The following KCNN2 variants were observed in gnomAD, a reference collection of about 807,000 sequenced individuals.
The protein encoded by KCNN2 is small conductance calcium-activated potassium channel protein 2.
In KCNN2, 24 loss-of-function variants were observed where a neutral mutation model predicts 55.5. The ratio of observed to expected loss-of-function variants is 0.43; its 90% CI spans 0.31 to 0.61. The LOEUF (loss-of-function observed/expected upper bound fraction) is 0.61. Among genes scored for constraint, KCNN2 ranks in the 20% least tolerant of loss-of-function variants. The probability of loss-of-function intolerance (pLI) is 0.08; values close to 1 mark genes in which losing one functional copy is unlikely to be tolerated. For synonymous variants in KCNN2, 431 were observed against 336.1 expected (o/e 1.28, Z -3.09); for missense variants, 754 against 853.6 (o/e 0.88, Z 1.45).
At chr5:114,061,847 T>C (rs1292842764) in intron 1 of KCNN2, among the ~76,000 whole-genome samples, 1 of 152,188 alleles carries the variant, frequency 6.6e-6, no homozygotes, top group Non-Finnish European at 1.5e-5. Context: ...AACTGGGAAG[T>C]GGAGGATCTG....
chr5:114,428,092 G>A (rs1759682303), intron 3 of KCNN2, among the ~76,000 whole-genome samples: 1 of 152,054 alleles, frequency 6.6e-6, no homozygotes, highest in Admixed American at 6.5e-5. Flanking sequence ...ATTTAAGAGC[G>A]GGTCAAGGAT....
At chr5:114,337,112 C>T (rs1009757964) in intron 2 of KCNN2, among the ~76,000 whole-genome samples, 2 of 151,904 alleles carry the variant, frequency 1.3e-5, no homozygotes, top group African/African-American at 2.4e-5. Context: ...TTGTTGCAGT[C>T]ATCAAAGAAA....
chr5:114,461,503 A>C (rs764927416), intron 3 of KCNN2, among the ~76,000 whole-genome samples: 2 of 152,128 alleles, frequency 1.3e-5, no homozygotes, highest in Non-Finnish European at 2.9e-5. Flanking sequence ...CACTCACTCC[A>C]GCCCGGAGCC....
At position 114,272,351 on chromosome 5, in the gene KCNN2, T is replaced by C. The variant is rs1244453683; in HGVS notation, c.-185+50786T>C. On this transcript the variant is annotated intron_variant, in intron 2 of 10. Transcript: ENST00000512097. ...GTACATATACACACATATATGTATG[T>C]ACATACCATATACACACACATATGT... 6.1e-5 allele frequency among the ~76,000 whole-genome samples: 3 copies of C among 49,148 alleles called. No individual in the cohort carries two copies. In the East Asian group the frequency reaches 2.5e-3, roughly 41 times the overall value. The allele number at this position is 49,148 out of a possible 152,430, so 32.2% of individuals were successfully genotyped here. A position where few individuals can be genotyped will look rare whatever the true frequency, so the allele number is the denominator to read the frequency against.
At chr5:114,414,898 C>T (rs1759258864) in intron 3 of KCNN2, among the ~76,000 whole-genome samples, 2 of 152,094 alleles carry the variant, frequency 1.3e-5, no homozygotes, top group African/African-American at 4.8e-5. Flanking sequence ...GGCTATGCAA[C>T]CATCACTACA....
intron 1 of KCNN2, among the ~76,000 whole-genome samples, chr5:114,152,461 T>C (rs1417902885): frequency 6.6e-6 from 1 of 152,234 alleles, no homozygotes; most frequent in Non-Finnish European, 1.5e-5. Context: ...TATAATTTTT[T>C]ATTAGACTAG....
chr5:114,264,577 A>G (rs928001304), intron 2 of KCNN2, among the ~76,000 whole-genome samples: 3 of 152,140 alleles, frequency 2.0e-5, no homozygotes, highest in African/African-American at 4.8e-5. Flanking sequence ...TGTCTCCATC[A>G]TGGTCACAGC....
At chr5:114,316,486 C>T (rs1477672147) in intron 2 of KCNN2, among the ~76,000 whole-genome samples, 2 of 152,104 alleles carry the variant, frequency 1.3e-5, no homozygotes, top group Non-Finnish European at 2.9e-5. Context: ...AGGTATTGTA[C>T]TCAACATTGC....
chr5:114,302,949 C>G (rs754133529), intron 2 of KCNN2, among the ~76,000 whole-genome samples: 6 of 152,152 alleles, frequency 3.9e-5, no homozygotes, highest in Non-Finnish European at 5.9e-5. Context: ...TTGGAAAGGA[C>G]CAGAAGAGGC....
intron 1 of KCNN2, among the ~76,000 whole-genome samples, chr5:114,202,899 T>C (rs939294827): frequency 1.3e-5 from 2 of 152,168 alleles, no homozygotes; most frequent in Admixed American, 6.5e-5. Flanking sequence ...TCATGCCTAA[T>C]ATTAAAGCAC....
chr5:114,216,680 A>G (rs1754009623), intron 1 of KCNN2, among the ~76,000 whole-genome samples: 1 of 152,088 alleles, frequency 6.6e-6, no homozygotes, highest in South Asian at 2.1e-4. Context: ...CTACCAACAT[A>G]CTCAAAACTT....
intron 2 of KCNN2, among the ~76,000 whole-genome samples, chr5:114,296,597 C>T (rs1756016880): frequency 6.6e-6 from 1 of 152,012 alleles, no homozygotes; most frequent in South Asian, 2.1e-4. Flanking sequence ...GGGCTGAAGG[C>T]CATCTGGCCC....
chr5:114,190,686 T>C (rs1296330828), intron 1 of KCNN2, among the ~76,000 whole-genome samples: 1 of 152,202 alleles, frequency 6.6e-6, no homozygotes, highest in South Asian at 2.1e-4. Flanking sequence ...CATTAAATTT[T>C]AATGTTTGTG....
intron 2 of KCNN2, among the ~76,000 whole-genome samples, chr5:114,250,775 C>A (rs1305190794): frequency 6.6e-6 from 1 of 152,160 alleles, no homozygotes; most frequent in African/African-American, 2.4e-5. Context: ...ATTGGTCTCA[C>A]TGAGTTGTCT....
intron 3 of KCNN2, among the ~76,000 whole-genome samples, chr5:114,427,778 C>G (rs546209873): frequency 8.0e-4 from 122 of 152,180 alleles, no homozygotes; most frequent in Non-Finnish European, 1.5e-3. Context: ...ATTAAATGAC[C>G]CATAGACCTT....
chr5:114,279,961 G>A (rs1755586849), intron 2 of KCNN2, among the ~76,000 whole-genome samples: 1 of 152,264 alleles, frequency 6.6e-6, no homozygotes, highest in Admixed American at 6.5e-5. Flanking sequence ...TCCAGCACCT[G>A]TTGTTTCCTG....
intron 2 of KCNN2, among the ~76,000 whole-genome samples, chr5:114,266,677 G>T (rs1479364254): frequency 6.6e-6 from 1 of 152,118 alleles, no homozygotes; most frequent in East Asian, 1.9e-4. Context: ...GACTGGGAGT[G>T]GGGAGGCTGG....
chr5:114,361,626 T>C (rs535648422), upstream of KCNN2, among the ~76,000 whole-genome samples: 74 of 130,336 alleles, frequency 5.7e-4, no homozygotes, highest in African/African-American at 2.1e-3. Flanking sequence ...TGGTCGGGGT[T>C]CCACACCGTC....
chr5:114,129,766 G>A (rs1752034005), intron 1 of KCNN2, among the ~76,000 whole-genome samples: 3 of 152,210 alleles, frequency 2.0e-5, no homozygotes, highest in African/African-American at 7.2e-5. Context: ...CTTGGCCATT[G>A]TGGAGACCTG....
Sources: gnomAD v4.1 joint callset for allele counts (sites outside exome capture counted in the v4.1 genomes callset) on GRCh38, gnomAD v4.1.1 for gene constraint, MANE v1.5 for transcripts, NCBI Gene and HGNC (gene_info 2026-07-23, HGNC 2026-07-21) for gene names.